SHTN1: variants seen among roughly 807,000 people sequenced by gnomAD.
SHTN1 encodes the protein shootin 1.
SHTN1 carries 42 observed loss-of-function variants against 83.1 expected under a neutral mutation model. The ratio of observed to expected loss-of-function variants is 0.51; its 90% CI spans 0.39 to 0.65. SHTN1 has a LOEUF of 0.65. Among genes scored for constraint, SHTN1 ranks in the 30% least tolerant of loss-of-function variants. The probability of loss-of-function intolerance (pLI) is 0.00; values close to 1 mark genes in which losing one functional copy is unlikely to be tolerated. For synonymous variants in SHTN1, 224 were observed against 247.7 expected (o/e 0.90, Z 0.90); for missense variants, 622 against 737.8 (o/e 0.84, Z 1.82).
At chr10:116,904,625 T>C (rs887168364) in intron 15 of SHTN1, among the ~76,000 whole-genome samples, 2 of 152,142 alleles carry the variant, frequency 1.3e-5, no homozygotes, top group African/African-American at 4.8e-5. Context: ...ATACAAATAT[T>C]TGTATATTGG....
intron 1 of SHTN1, among the ~76,000 whole-genome samples, chr10:117,066,172 C>T (rs1174084452): frequency 6.6e-6 from 1 of 152,164 alleles, no homozygotes; most frequent in Non-Finnish European, 1.5e-5. Flanking sequence ...TTCTTGTTTA[C>T]TTTTGAAAAC....
At chr10:117,086,693 C>T (rs780443840) in intron 1 of SHTN1, among the ~76,000 whole-genome samples, 3 of 152,098 alleles carry the variant, frequency 2.0e-5, no homozygotes, top group African/African-American at 7.2e-5. Flanking sequence ...AAAAGGTCAG[C>T]GAGTCCTCAA....
chr10:116,990,011 G>C (rs1295456751), intron 1 of SHTN1, among the ~76,000 whole-genome samples: 2 of 152,130 alleles, frequency 1.3e-5, no homozygotes, highest in East Asian at 3.9e-4. Context: ...AGAACAGGCA[G>C]AAGCTGGTAG....
intron 5 of SHTN1, among the ~76,000 whole-genome samples, chr10:116,953,720 T>C (rs1303084601): frequency 6.9e-6 from 1 of 144,186 alleles, no homozygotes; most frequent in Non-Finnish European, 1.5e-5. Flanking sequence ...CTCTGCCTCC[T>C]GGGTTCAAGT....
intron 1 of SHTN1, among the ~76,000 whole-genome samples, chr10:117,120,659 A>C (rs1362492166): frequency 1.3e-5 from 2 of 152,230 alleles, no homozygotes; most frequent in African/African-American, 4.8e-5. Context: ...AAGTAAAAAC[A>C]ACAAATCTAT....
chr10:116,883,626 G>A lies in SHTN1; in HGVS notation c.*2718C>T, dbSNP rs1184416604. ...TTACTGAACACACAACCAAAAACTG[G>A]TCTGGAAAGACAATTAAAAATAATT... On this transcript the variant is annotated 3_prime_UTR_variant, in exon 17 of 17. Transcript: ENST00000355371. The A allele has an allele frequency of 6.6e-6, 1 of 152,540 alleles. No homozygotes were observed. Among genetic ancestry groups the A allele is most frequent in the Non-Finnish European group, 1.5e-5 (1 of 68,312 alleles). The allele number at this position is 152,540 out of a possible 1,614,324, so 9.4% of individuals were successfully genotyped here.
At chr10:117,019,951 T>C (rs1009961517) in intron 2 of SHTN1, among the ~76,000 whole-genome samples, 1 of 152,104 alleles carries the variant, frequency 6.6e-6, no homozygotes, top group African/African-American at 2.4e-5. Context: ...GAAGACTTAA[T>C]ATAGTTCAAA....
intron 1 of SHTN1, among the ~76,000 whole-genome samples, chr10:116,990,708 C>T (rs1460014566): frequency 6.6e-6 from 1 of 152,080 alleles, no homozygotes; most frequent in African/African-American, 2.4e-5. Flanking sequence ...CCCAAACACA[C>T]CCCATGGGCA....
At chr10:117,111,475 G>C (rs907006497) in intron 1 of SHTN1, among the ~76,000 whole-genome samples, 1 of 151,858 alleles carries the variant, frequency 6.6e-6, no homozygotes, top group Non-Finnish European at 1.5e-5. Flanking sequence ...TGTATTTTTA[G>C]TAGAGACGGG....
At chr10:116,892,942 G>C (rs1589778924) in intron 16 of SHTN1, among the ~76,000 whole-genome samples, 1 of 152,254 alleles carries the variant, frequency 6.6e-6, no homozygotes, top group South Asian at 2.1e-4. Context: ...TGCAGAAATG[G>C]TATATTTTAT....
chr10:117,016,871 G>A (rs1033461694), intron 2 of SHTN1, among the ~76,000 whole-genome samples: 5 of 152,158 alleles, frequency 3.3e-5, no homozygotes, highest in African/African-American at 1.2e-4. Flanking sequence ...AAAGGTATAT[G>A]TATATGCATG....
chr10:117,106,903 C>T (rs1434977343), intron 1 of SHTN1, among the ~76,000 whole-genome samples: 1 of 152,034 alleles, frequency 6.6e-6, no homozygotes. Context: ...TTTTCCTCAA[C>T]TGTAAAATAA....
chr10:116,930,083 A>T, intron 9 of SHTN1, 81 bp from the exon 10 acceptor site: 2 of 949,016 alleles, frequency 2.1e-6, no homozygotes, highest in Non-Finnish European at 3.1e-6. Context: ...AAAAATAAAT[A>T]TTTCCCTTTG....
intron 15 of SHTN1, 114 bp downstream of exon 15, chr10:116,906,507 CACATTA>C: frequency 9.9e-7 from 1 of 1,010,910 alleles, no homozygotes; most frequent in Non-Finnish European, 1.4e-6. Flanking sequence ...ACTTCTCACT[CACATTA>C]AAAACAAATA....
chr10:116,983,680 ATAGATAAATAC>A (rs1564913682), intron 1 of SHTN1, among the ~76,000 whole-genome samples: 707 of 50,720 alleles, frequency 0.014, 6 homozygotes, highest in South Asian at 0.073. Context: ...AGATAGATAG[ATAGATAAATAC>A]ATACATACAT....
At chr10:117,094,544 T>C (rs995468527) in intron 1 of SHTN1, among the ~76,000 whole-genome samples, 1 of 152,182 alleles carries the variant, frequency 6.6e-6, no homozygotes, top group Non-Finnish European at 1.5e-5. Flanking sequence ...CTTGGGTCAG[T>C]TGTCTAATTT....
At chr10:116,907,836 G>C (rs1243657078) in intron 14 of SHTN1, 3 of 511,768 alleles carry the variant, frequency 5.9e-6, no homozygotes, top group Non-Finnish European at 1.2e-5. Context: ...TGTCCACCAA[G>C]GCTAATAATC....
intron 2 of SHTN1, chr10:116,973,718 A>G: frequency 2.7e-6 from 1 of 374,000 alleles, no homozygotes; most frequent in Non-Finnish European, 5.2e-6. Flanking sequence ...AGGAACGTAC[A>G]GCAGAGCCTA....
At chr10:117,008,648 A>G (rs1852056262), upstream of SHTN1, among the ~76,000 whole-genome samples, 1 of 152,202 alleles carries the variant, frequency 6.6e-6, no homozygotes, top group Admixed American at 6.5e-5. Context: ...AGGCAAATCC[A>G]TAGAGGGAGA....
Sources: gnomAD v4.1 joint callset for allele counts (sites outside exome capture counted in the v4.1 genomes callset) on GRCh38, gnomAD v4.1.1 for gene constraint, MANE v1.5 for transcripts, NCBI Gene and HGNC (gene_info 2026-07-23, HGNC 2026-07-21) for gene names.